CCDC175: variants seen among roughly 807,000 people sequenced by gnomAD.
The protein encoded by CCDC175 is coiled-coil domain containing 175.
Under a neutral mutation model 114.6 loss-of-function variants are expected in CCDC175, and 100 were observed. The observed-to-expected ratio is 0.87, with a 90% CI of 0.74 to 1.03. The LOEUF (loss-of-function observed/expected upper bound fraction) is 1.03, where lower values mean the gene tolerates loss of function less well. Ranked by LOEUF, CCDC175 falls within the 50% of genes least tolerant of loss-of-function variation. CCDC175 has a pLI of 0.00. For missense variants in CCDC175, 880 were observed against 917.8 expected, an observed-to-expected ratio of 0.96 and a Z score of 0.53; for synonymous variants, 306 against 308.7, an observed-to-expected ratio of 0.99 and a Z score of 0.09.
Position 59,555,279 on chromosome 14 carries a change from C to T in CCDC175, c.954-3843G>A, listed in dbSNP as rs528331769. Reference sequence around the variant, plus strand: ...AGCTATTCCACCATGATCAAGTGGGCTTCATCCCTGGGATTCAAGGCTGGT... The same window carrying T: ...AGCTATTCCACCATGATCAAGTGGGTTTCATCCCTGGGATTCAAGGCTGGT... On this transcript the variant is annotated intron_variant, in intron 7 of 19. Coordinates refer to ENST00000537690, the MANE Select transcript of CCDC175 (RefSeq NM_001164399.2). 3.3e-5 allele frequency among the ~76,000 whole-genome samples: 5 copies of T among 152,266 alleles called. No homozygotes were observed. The East Asian group carries it at 9.6e-4, about 29-fold the overall frequency.
chr14:59,559,323 T>C (rs554211988), intron 7 of CCDC175, among the ~76,000 whole-genome samples: 11 of 152,284 alleles, frequency 7.2e-5, no homozygotes, highest in African/African-American at 2.4e-4. Context: ...TGGATATCAA[T>C]GATAAGAAAG....
chr14:59,535,466 G>C (rs1308649101), intron 13 of CCDC175, among the ~76,000 whole-genome samples: 1 of 152,164 alleles, frequency 6.6e-6, no homozygotes, highest in African/African-American at 2.4e-5. Flanking sequence ...TGCCCTCATT[G>C]TTTTACCAGT....
chr14:59,508,399 T>TACACACAC (rs71451066), intron 19 of CCDC175, among the ~76,000 whole-genome samples: 14,663 of 97,214 alleles, frequency 0.15, 1,586 homozygotes, highest in East Asian at 0.23. Context: ...GTCTCCAAAA[T>TACACACAC]ACACACACAC....
intron 14 of CCDC175, 147 bp downstream of exon 14, chr14:59,531,623 CAA>C: frequency 2.0e-6 from 1 of 507,938 alleles, no homozygotes; most frequent in Non-Finnish European, 3.3e-6. Flanking sequence ...GTAGGTGAAG[CAA>C]AAACTAGAGA....
intron 17 of CCDC175, 72 bp from the exon 18 acceptor site, chr14:59,511,875 C>A: frequency 8.4e-7 from 1 of 1,188,174 alleles, no homozygotes; most frequent in South Asian, 1.4e-5. Flanking sequence ...TCGTGTTATT[C>A]ATTTTTGTTT....
chr14:59,511,092 CAG>C (rs1566591513), intron 18 of CCDC175, among the ~76,000 whole-genome samples: 1 of 152,110 alleles, frequency 6.6e-6, no homozygotes, highest in Non-Finnish European at 1.5e-5. Flanking sequence ...GTTTCACCCT[CAG>C]AGAAGCACAG....
intron 7 of CCDC175, among the ~76,000 whole-genome samples, chr14:59,556,942 T>C (rs1363214480): frequency 7.2e-5 from 11 of 152,098 alleles, no homozygotes; most frequent in East Asian, 3.9e-4. Flanking sequence ...GTTAGAATGG[T>C]GATCATTAAA....
In CCDC175 at chr14:59,552,000, C is replaced by A. The variant is rs1895532764; in HGVS notation, c.954-564G>T. ...TGGAACAGGGTGGAGCCCACCACAG[C>A]TCAAGGAGGACTGCCTGCCTCTGTA... On this transcript the variant is annotated intron_variant, in intron 7 of 19. Transcript: ENST00000537690. 2.0e-5 allele frequency among the ~76,000 whole-genome samples: 3 copies of A among 152,248 alleles called. No homozygotes were observed. The South Asian group carries it at 6.2e-4, about 31-fold the overall frequency.
intron 7 of CCDC175, among the ~76,000 whole-genome samples, chr14:59,559,751 G>T (rs1280241609): frequency 6.6e-6 from 1 of 151,964 alleles, no homozygotes; most frequent in Non-Finnish European, 1.5e-5. Flanking sequence ...CAAATTTTTT[G>T]AATAAAAAGG....
intron 14 of CCDC175, among the ~76,000 whole-genome samples, chr14:59,529,084 T>G (rs947847494): frequency 6.6e-6 from 1 of 152,206 alleles, no homozygotes; most frequent in Non-Finnish European, 1.5e-5. Context: ...CAATATACAG[T>G]GATCAGGAAG....
chr14:59,519,202 A>G (rs1893284154), intron 17 of CCDC175, among the ~76,000 whole-genome samples: 2 of 152,178 alleles, frequency 1.3e-5, no homozygotes. Context: ...GCATTTGGAG[A>G]TATACCTAAT....
At chr14:59,542,184 C>A (rs1894830939) in intron 10 of CCDC175, among the ~76,000 whole-genome samples, 1 of 152,144 alleles carries the variant, frequency 6.6e-6, no homozygotes, top group African/African-American at 2.4e-5. Flanking sequence ...AGGTCTAGTT[C>A]AAATTTTAAA....
chr14:59,568,845 G>T (rs181331745), intron 3 of CCDC175, among the ~76,000 whole-genome samples: 24 of 152,236 alleles, frequency 1.6e-4, no homozygotes, highest in African/African-American at 5.5e-4. Context: ...GGGTCTTGGG[G>T]GCTTCTTCTC....
intron 16 of CCDC175, among the ~76,000 whole-genome samples, chr14:59,522,347 ATGGGACTGTTACGTAGAC>A (rs1241004060): frequency 6.6e-6 from 1 of 152,254 alleles, no homozygotes; most frequent in East Asian, 1.9e-4. Flanking sequence ...TGAGGTAGAC[ATGGGACTGTTACGTAGAC>A]TGTTTCTAAG....
At chr14:59,534,171 G>T (rs1894257142) in intron 13 of CCDC175, among the ~76,000 whole-genome samples, 1 of 152,134 alleles carries the variant, frequency 6.6e-6, no homozygotes. Flanking sequence ...CTCTGAAAGA[G>T]ACTGTGGGGT....
At chr14:59,564,905 C>T (rs1896433573) in intron 5 of CCDC175, 142 bp downstream of exon 5, 3 of 638,474 alleles carry the variant, frequency 4.7e-6, no homozygotes, top group East Asian at 2.7e-5. Flanking sequence ...TTGAGTCTCC[C>T]GCTCATCCCG....
chr14:59,558,817 A>C (rs949868898), intron 7 of CCDC175, among the ~76,000 whole-genome samples: 1 of 152,200 alleles, frequency 6.6e-6, no homozygotes, highest in Non-Finnish European at 1.5e-5. Flanking sequence ...GAGACTGAAT[A>C]AAATCACATT....
intron 13 of CCDC175, among the ~76,000 whole-genome samples, chr14:59,534,245 C>T (rs1894262664): frequency 6.6e-6 from 1 of 152,128 alleles, no homozygotes; most frequent in Non-Finnish European, 1.5e-5. Context: ...GGCAGCCAGT[C>T]AGGTTCACAC....
rs187493496 is a variant in CCDC175, at chr14:59,565,581, C to T, written c.492-306G>A. Among the ~76,000 whole-genome samples the T allele has an allele frequency of 1.1e-4, 17 of 152,068 alleles. No homozygotes were observed. In the East Asian group the frequency reaches 2.7e-3, roughly 24 times the overall value. On this transcript the variant is annotated intron_variant, in intron 4 of 19. Transcript: ENST00000537690. The stretch of plus-strand genomic sequence containing the variant: ...AATTAGCCGGGGATGGTGGCGTGCT[C>T]CTGTAATCCCAGCTACTCGGGAGGC...
Sources: allele counts gnomAD v4.1 joint callset (sites outside exome capture counted in the v4.1 genomes callset), GRCh38; gene constraint gnomAD v4.1.1; transcripts MANE v1.5; gene names NCBI Gene and HGNC (gene_info 2026-07-23, HGNC 2026-07-21).